The following CLTB variants were observed in gnomAD, a reference collection of about 807,000 sequenced individuals.
CLTB encodes clathrin, light chain (Lcb).
A neutral mutation model predicts 30.5 loss-of-function variants in CLTB; 10 were observed. The observed-to-expected ratio is 0.33, with a 90% CI of 0.20 to 0.56. The LOEUF (loss-of-function observed/expected upper bound fraction) is 0.56. CLTB is among the 20% of genes least tolerant of loss of function. The pLI is 0.91. For missense variants in CLTB, 261 were observed against 308.3 expected, an observed-to-expected ratio of 0.85 and a Z score of 1.15; for synonymous variants, 102 against 120.3, an observed-to-expected ratio of 0.85 and a Z score of 1.00.
rs1387026537 is a variant in CLTB at position 176,416,217 on chromosome 5, G to A, written c.147C>T (p.Gly49=). The change falls in exon 1 of 6, where the codon GGC becomes GGT. Residue 49 remains glycine (G), a synonymous_variant. Transcript: ENST00000310418. ...ENDEGFGAPA[G]SHAAPAQPGP... is the part of the protein sequence containing the mutation. ...CCGGCTGCGCGGGGGCCGCATGGCT[G>A]CCGGCAGGTGCCCCGAAGCCCTCGT... The A allele has an allele frequency of 6.3e-7, 1 of 1,598,046 alleles. No homozygotes were observed. The highest frequency in any genetic ancestry group is 1.1e-5 in the South Asian group (1 of 89,812).
intron 5 of CLTB, among the ~76,000 whole-genome samples, chr5:176,394,433 A>G (rs1391754028): frequency 6.6e-6 from 1 of 152,186 alleles, no homozygotes; most frequent in Non-Finnish European, 1.5e-5. Flanking sequence ...GCACTTTGGG[A>G]GGCAGAGGCG....
intron 2 of CLTB, chr5:176,401,624 T>A (rs534349080): frequency 2.4e-6 from 1 of 425,080 alleles, no homozygotes; most frequent in African/African-American, 2.0e-5. Flanking sequence ...CCTCAGCCTT[T>A]AGGTCTATCA....
At chr5:176,406,283 G>A (rs987503927) in intron 2 of CLTB, 7 of 1,054,260 alleles carry the variant, frequency 6.6e-6, no homozygotes, top group Non-Finnish European at 8.0e-6. Flanking sequence ...GGAATGGCCA[G>A]GACCAGAAGG....
chr5:176,412,174 CAAA>C (rs546824950), intron 1 of CLTB, among the ~76,000 whole-genome samples: 3 of 82,384 alleles, frequency 3.6e-5, no homozygotes, highest in Non-Finnish European at 7.3e-5. Flanking sequence ...AGACTCATCT[CAAA>C]AAAAAAAAAA....
chr5:176,416,488 C>A lies in CLTB; in HGVS notation c.-125G>T. ...GGGAGCCGGCGTCGGCGGGGACGGG[C>A]TTGGCGCGGACCGCACTTCCTCTCC... On this transcript the variant is annotated 5_prime_UTR_variant, in exon 1 of 6. Coordinates refer to ENST00000310418, the MANE Select transcript of CLTB (RefSeq NM_007097.5). The A allele has an allele frequency of 2.5e-6, 2 of 809,354 alleles. No individual in the cohort carries two copies. Among genetic ancestry groups the A allele is most frequent in the Non-Finnish European group, 3.3e-6 (2 of 607,488 alleles). 50.1% of individuals were successfully genotyped at this position (809,354 alleles called of 1,614,324 possible).
Position 176,393,005 on chromosome 5 carries a change from G to C in CLTB, c.519-60C>G. 1 of 1,594,766 alleles carries C rather than the reference G, an allele frequency of 6.3e-7. No homozygotes were observed. On this transcript the variant is annotated intron_variant, in intron 5 of 5. Transcript: ENST00000310418. The surrounding 1 kb of genome is among the most constrained non-coding windows in gnomAD (Gnocchi z 4.4). ...TCTGCTTTCCCCCAGCCTTGCCCTT[G>C]AGCAAGGCTGCTTTGCCCAGCCTAC...
Position 176,398,376 on chromosome 5 carries a change from T to C in CLTB, c.235-329A>G, listed in dbSNP as rs184278310. Among the ~76,000 whole-genome samples, 104 of 152,206 alleles carry C rather than the reference T, an allele frequency of 6.8e-4. 1 individual carries two copies. Among genetic ancestry groups the C allele is most frequent in the Admixed American group, 4.9e-3 (75 of 15,286 alleles). On this transcript the variant is annotated intron_variant, in intron 2 of 5. Transcript: ENST00000310418. ...TGTCATAAAATGGGCTAAATAACAG[T>C]ATGCACTCTGATGGGAGGACATAAG...
At chr5:176,406,491 T>C in intron 2 of CLTB, 1 of 1,209,310 alleles carries the variant, frequency 8.3e-7, no homozygotes, top group Non-Finnish European at 1.1e-6. Context: ...TAAGCTAAGC[T>C]GAGCTGCTGA....
Position 176,397,962 on chromosome 5 carries a change from C to T in CLTB, c.320G>A (p.Arg107Gln), listed in dbSNP as rs761998373. 1.1e-5 allele frequency: 18 copies of T among 1,614,088 alleles called. No individual in the cohort carries two copies. Among genetic ancestry groups the T allele is most frequent in the South Asian group, 6.6e-5 (6 of 91,084 alleles). The change falls in exon 3 of 6, where the codon CGA becomes CAA. Residue 107 changes from arginine (R) to glutamine (Q), a missense_variant. Arg to Gln is a conservative substitution (Grantham distance 43). This residue lies in a region of CLTB where 123 missense variants were observed against 157.0 expected (regional missense o/e 0.78). Transcript: ENST00000310418. ...TQEPESIRKW[R>Q]EEQRKRLQEL... The stretch of plus-strand genomic sequence containing the variant: ...TTGCAGCCGTTTCCTCTGCTCCTCT[C>T]GCCACTTGCGGATGCTCTCAGGCTC...
Position 176,397,705 on chromosome 5 carries a change from C to T in CLTB, c.366G>A (p.Lys122=), listed in dbSNP as rs1211846782. The T allele has an allele frequency of 3.1e-6, 5 of 1,613,994 alleles. No individual in the cohort carries two copies. Among genetic ancestry groups the T allele is most frequent in the Non-Finnish European group, 4.2e-6 (5 of 1,179,964 alleles). ...KRLQELDAAS[K]VTEQEWREKA... ...TCTCCCGCCATTCCTGTTCCGTGACCTTAGATGCAGCATCTAGGACCCCAC... is the reference window on the plus strand; with the variant it reads ...TCTCCCGCCATTCCTGTTCCGTGACTTTAGATGCAGCATCTAGGACCCCAC... The change falls in exon 4 of 6, where the codon AAG becomes AAA. Residue 122 remains lysine (K), a synonymous_variant. Transcript: ENST00000310418.
intron 1 of CLTB, among the ~76,000 whole-genome samples, chr5:176,411,940 G>A (rs1757445843): frequency 6.6e-6 from 1 of 152,140 alleles, no homozygotes; most frequent in Admixed American, 6.5e-5. Flanking sequence ...ACTTTGGGAG[G>A]CTGAGGTGGG....
chr5:176,412,334 A>G (rs1223885552), intron 1 of CLTB, among the ~76,000 whole-genome samples: 1 of 152,098 alleles, frequency 6.6e-6, no homozygotes, highest in Non-Finnish European at 1.5e-5. Context: ...ATCATACAGT[A>G]TCCTGCACCC....
chr5:176,416,486 G>C lies in CLTB; in HGVS notation c.-123C>G, dbSNP rs1242447767. The C allele has an allele frequency of 1.2e-6, 1 of 807,058 alleles. No individual in the cohort carries two copies. Among genetic ancestry groups the C allele is most frequent in the Non-Finnish European group, 1.7e-6 (1 of 604,380 alleles). The allele number at this position is 807,058 out of a possible 1,614,324, so 50.0% of individuals were successfully genotyped here. ...GGGGGAGCCGGCGTCGGCGGGGACG[G>C]GCTTGGCGCGGACCGCACTTCCTCT... On this transcript the variant is annotated 5_prime_UTR_variant, in exon 1 of 6. Transcript: ENST00000310418.
At chr5:176,400,657 TTGTCTCCTGGCGCTTC>T (rs1756772997) in intron 2 of CLTB, among the ~76,000 whole-genome samples, 1 of 152,170 alleles carries the variant, frequency 6.6e-6, no homozygotes, top group Admixed American at 6.5e-5. Context: ...TACCCGGCCT[TTGTCTCCTGGCGCTTC>T]TGTCTCCCCT....
intron 1 of CLTB, among the ~76,000 whole-genome samples, chr5:176,412,308 C>T (rs78973908): frequency 0.028 from 4,203 of 152,174 alleles, 67 homozygotes; most frequent in Middle Eastern, 0.065. Context: ...GTCTCACTTC[C>T]GGGGTATCCC....
intron 4 of CLTB, 116 bp downstream of exon 4, chr5:176,397,491 T>G: frequency 1.4e-5 from 2 of 139,424 alleles, no homozygotes; most frequent in Non-Finnish European, 2.3e-5. Flanking sequence ...CACAGCTCCC[T>G]CATGTCCCCA....
At chr5:176,407,278 A>C (rs1757179821) in intron 2 of CLTB, among the ~76,000 whole-genome samples, 1 of 152,130 alleles carries the variant, frequency 6.6e-6, no homozygotes, top group Non-Finnish European at 1.5e-5. Context: ...AATCTTTAGG[A>C]AAGGTAAATG....
chr5:176,399,761 G>A (rs1478053488), intron 2 of CLTB, among the ~76,000 whole-genome samples: 3 of 151,384 alleles, frequency 2.0e-5, no homozygotes, highest in South Asian at 4.2e-4. Flanking sequence ...CAGGTGTAAT[G>A]GCTGCTTAGG....
At chr5:176,406,583 T>G in intron 2 of CLTB, 1 of 1,288,616 alleles carries the variant, frequency 7.8e-7, no homozygotes, top group Non-Finnish European at 1.0e-6. Flanking sequence ...GGAGGCGGAG[T>G]CCTGCAGGGC....
Sources: allele counts gnomAD v4.1 joint callset (sites outside exome capture counted in the v4.1 genomes callset), GRCh38; gene constraint gnomAD v4.1.1; regional missense constraint gnomAD v4.1.1; non-coding constraint Gnocchi (gnomAD v3.1); transcripts MANE v1.5; gene names NCBI Gene and HGNC (gene_info 2026-07-23, HGNC 2026-07-21).